RTN4: variants seen among roughly 807,000 people sequenced by gnomAD.
RTN4 encodes the protein reticulon-4.
A neutral mutation model predicts 90.4 loss-of-function variants in RTN4; 32 were observed. The ratio of observed to expected loss-of-function variants is 0.35; its 90% CI spans 0.27 to 0.48. The LOEUF (loss-of-function observed/expected upper bound fraction) is 0.48. Among genes scored for constraint, RTN4 ranks in the 20% least tolerant of loss-of-function variants. The pLI is 0.99. For missense variants in RTN4, 1,706 were observed against 1,430.2 expected (o/e 1.19, Z -3.11); for synonymous variants, 629 against 552.5 (o/e 1.14, Z -1.94).
chr2:54,992,988 G>A (rs1375251565), intron 3 of RTN4, among the ~76,000 whole-genome samples: 1 of 150,498 alleles, frequency 6.6e-6, no homozygotes, highest in Non-Finnish European at 1.5e-5. Flanking sequence ...GCAGGAGAAT[G>A]GCGTGAACCC....
chr2:55,045,801 G>A (rs901769114), intron 1 of RTN4, among the ~76,000 whole-genome samples: 16 of 152,024 alleles, frequency 1.1e-4, no homozygotes, highest in Admixed American at 9.2e-4. Context: ...ACATATTTTC[G>A]GTCTTAATTA....
At chr2:55,104,139 C>T (rs1042176043) in intron 1 of RTN4, among the ~76,000 whole-genome samples, 1 of 152,010 alleles carries the variant, frequency 6.6e-6, no homozygotes, top group African/African-American at 2.4e-5. Context: ...CAACCTCCAC[C>T]TTCTGGGTTC....
At position 54,979,793 on chromosome 2, in the gene RTN4, T is replaced by G. The variant is rs908589083; in HGVS notation, c.3360+2722A>C. ...TTGAGATCTAAATGCCAGGTTCACTTTAAGTGCTAACATGATGAGGCAACT... is the reference window on the plus strand; with the variant it reads ...TTGAGATCTAAATGCCAGGTTCACTGTAAGTGCTAACATGATGAGGCAACT... On this transcript the variant is annotated intron_variant, in intron 5 of 8. Transcript: ENST00000337526. Among the ~76,000 whole-genome samples, 32 of 152,278 alleles carry G rather than the reference T, an allele frequency of 2.1e-4. 1 individual carries two copies. Among genetic ancestry groups the G allele is most frequent in the East Asian group, 1.9e-4 (1 of 5,178 alleles).
intron 1 of RTN4, among the ~76,000 whole-genome samples, chr2:55,090,574 C>T (rs1456016179): frequency 1.3e-5 from 2 of 152,150 alleles, no homozygotes; most frequent in African/African-American, 4.8e-5. Context: ...CCTCTATCCA[C>T]CTGGAAGTTT....
intron 1 of RTN4, among the ~76,000 whole-genome samples, chr2:55,096,634 C>G (rs1352522432): frequency 6.6e-6 from 1 of 152,138 alleles, no homozygotes; most frequent in Non-Finnish European, 1.5e-5. Flanking sequence ...AAACTTTTGT[C>G]TTAGTTGGAA....
rs533795615 is a variant in RTN4, at chr2:55,028,018, T to C, written c.613+146A>G. On this transcript the variant is annotated intron_variant, in intron 2 of 8. Coordinates refer to ENST00000337526, the MANE Select transcript of RTN4 (RefSeq NM_020532.5). ...TTTCCCTTGGGCATACCATATAAAA[T>C]GCACATTTCAACTTTTCCAGTAGAC... The C allele has an allele frequency of 4.1e-5, 26 of 633,524 alleles. 1 individual carries two copies. The Admixed American group carries it at 4.9e-4, about 12-fold the overall frequency. The allele number at this position is 633,524 out of a possible 1,614,324, so 39.2% of individuals were successfully genotyped here.
chr2:54,972,910 T>C lies in RTN4; in HGVS notation c.*246A>G, dbSNP rs2104587339. ...TTATTCCACCAGTGCCTCAGATAGATAGGAAAAAGATATGATTACGGTTTA... is the reference window on the plus strand; with the variant it reads ...TTATTCCACCAGTGCCTCAGATAGACAGGAAAAAGATATGATTACGGTTTA... On this transcript the variant is annotated 3_prime_UTR_variant, in exon 9 of 9. Coordinates refer to ENST00000337526, the MANE Select transcript of RTN4 (RefSeq NM_020532.5). 3.0e-6 allele frequency: 1 copy of C among 332,446 alleles called. No individual in the cohort carries two copies. The highest frequency in any genetic ancestry group is 1.5e-4 in the South Asian group (1 of 6,660). 20.6% of individuals were successfully genotyped at this position (332,446 alleles called of 1,614,324 possible).
upstream of RTN4, among the ~76,000 whole-genome samples, chr2:55,052,433 A>G (rs1343169527): frequency 6.6e-6 from 1 of 152,226 alleles, no homozygotes; most frequent in Admixed American, 6.5e-5. Context: ...TTTCCTGGCA[A>G]TGTTACTTGA....
intron 4 of RTN4, among the ~76,000 whole-genome samples, chr2:54,984,472 T>C (rs1188803067): frequency 3.9e-5 from 6 of 152,204 alleles, no homozygotes; most frequent in African/African-American, 1.2e-4. Flanking sequence ...TTGAGAAATA[T>C]AGGAAAGTGG....
rs771495126 is a variant in RTN4 at position 55,025,355 on chromosome 2, A to C, written c.2744T>G (p.Leu915Trp). The change falls in exon 3 of 9, where the codon TTG (leucine) becomes TGG (tryptophan). Residue 915 changes from leucine to tryptophan, a missense_variant. By Grantham distance (61) the Leu-to-Trp change is moderately conservative. Coordinates refer to ENST00000337526, the MANE Select transcript of RTN4 (RefSeq NM_020532.5). ...GTTCTTCAAAGAAAGGTCATGGGGC[A>C]ATTCTGTGCAAGGCAATGACCCAGC... Reference protein sequence around the residue: ...DGAGSLPCTELPHDLSLKNIQ... With the variant: ...DGAGSLPCTEWPHDLSLKNIQ... 7 of 1,613,982 alleles carry C rather than the reference A, an allele frequency of 4.3e-6. No individual in the cohort carries two copies. The Admixed American group carries it at 1.2e-4, about 27-fold the overall frequency.
At position 54,973,113 on chromosome 2, in the gene RTN4, A is replaced by G. The variant is rs894836492; in HGVS notation, c.*43T>C. ...CCCTCCCCCGTATAATCAAATGAATATCCCCTTTAAAGATGAACTCCTACT... is the reference window on the plus strand; with the variant it reads ...CCCTCCCCCGTATAATCAAATGAATGTCCCCTTTAAAGATGAACTCCTACT... On this transcript the variant is annotated 3_prime_UTR_variant, in exon 9 of 9. Transcript: ENST00000337526. 1.0e-5 allele frequency: 16 copies of G among 1,533,976 alleles called. No individual in the cohort carries two copies. The highest frequency in any genetic ancestry group is 3.4e-5 in the Admixed American group (2 of 59,280).
intron 3 of RTN4, among the ~76,000 whole-genome samples, chr2:54,993,789 A>T (rs1330809661): frequency 2.0e-5 from 3 of 152,234 alleles, no homozygotes; most frequent in Non-Finnish European, 4.4e-5. Context: ...AAGAGAAATG[A>T]GACAACTAGG....
chr2:54,974,674 C>A, intron 6 of RTN4, 21 bp downstream of exon 6: 1 of 1,582,594 alleles, frequency 6.3e-7, no homozygotes, highest in South Asian at 1.1e-5. Context: ...ATTTTTCATC[C>A]CAATGGCTTT....
intron 3 of RTN4, among the ~76,000 whole-genome samples, chr2:55,001,032 A>G (rs940102851): frequency 1.3e-5 from 2 of 152,266 alleles, no homozygotes; most frequent in East Asian, 3.9e-4. Context: ...AAAAATAGAT[A>G]AAAAAGACAT....
intron 1 of RTN4, among the ~76,000 whole-genome samples, chr2:55,112,118 G>T (rs114237151): frequency 6.6e-6 from 1 of 152,196 alleles, no homozygotes; most frequent in Non-Finnish European, 1.5e-5. Context: ...GAGGCTCTGA[G>T]AGGCCCCCTG....
chr2:54,991,993 G>C (rs1679047482), intron 3 of RTN4, among the ~76,000 whole-genome samples: 1 of 152,084 alleles, frequency 6.6e-6, no homozygotes, highest in Non-Finnish European at 1.5e-5. Flanking sequence ...CCTCCTTTAT[G>C]CCAAACACTG....
At chr2:54,980,545 T>C (rs546257750) in intron 5 of RTN4, among the ~76,000 whole-genome samples, 3 of 152,252 alleles carry the variant, frequency 2.0e-5, no homozygotes, top group Non-Finnish European at 4.4e-5. Flanking sequence ...TGTAGACATA[T>C]AGCTGCCTTC....
At chr2:55,024,414 A>G (rs1163304126) in intron 3 of RTN4, among the ~76,000 whole-genome samples, 2 of 152,158 alleles carry the variant, frequency 1.3e-5, no homozygotes, top group East Asian at 3.8e-4. Context: ...TATCATAATC[A>G]CTATTTTAGA....
intron 1 of RTN4, among the ~76,000 whole-genome samples, chr2:55,109,658 C>T (rs1668000710): frequency 1.3e-5 from 2 of 151,388 alleles, no homozygotes; most frequent in South Asian, 4.1e-4. Flanking sequence ...TTTGTTGATG[C>T]TCTGGAGCAA....
Sources: allele counts gnomAD v4.1 joint callset (sites outside exome capture counted in the v4.1 genomes callset), GRCh38; gene constraint gnomAD v4.1.1; transcripts MANE v1.5; gene names NCBI Gene and HGNC (gene_info 2026-07-23, HGNC 2026-07-21).